The following ARB2A variants were observed in gnomAD, a reference collection of about 807,000 sequenced individuals.
The protein encoded by ARB2A is cotranscriptional regulator ARB2A.
the ARB2A span, among the ~76,000 whole-genome samples, chr5:93,702,184 T>C: frequency 6.6e-6 from 1 of 152,204 alleles, no homozygotes; most frequent in Non-Finnish European, 1.5e-5. Context: ...AACTTATACA[T>C]ACAAAAGATT....
At chr5:93,654,109 A>G in the ARB2A span, among the ~76,000 whole-genome samples, 1 of 152,226 alleles carries the variant, frequency 6.6e-6, no homozygotes, top group African/African-American at 2.4e-5. Context: ...AAGAGCTTAT[A>G]ATCTAGTGCT....
At chr5:93,895,809 A>T in the ARB2A span, among the ~76,000 whole-genome samples, 2 of 152,060 alleles carry the variant, frequency 1.3e-5, no homozygotes, top group African/African-American at 4.8e-5. Context: ...AATTTGATGC[A>T]AATATTTAAA....
the ARB2A span, among the ~76,000 whole-genome samples, chr5:93,641,470 C>T: frequency 5.3e-5 from 8 of 151,988 alleles, no homozygotes; most frequent in African/African-American, 1.9e-4. Flanking sequence ...TAAATCTGCA[C>T]ATGAAAAAAG....
At chr5:93,679,745 A>G in the ARB2A span, among the ~76,000 whole-genome samples, 1 of 152,304 alleles carries the variant, frequency 6.6e-6, no homozygotes, top group East Asian at 1.9e-4. Context: ...ACACAATTTT[A>G]TGCCCCAAAA....
At chr5:93,902,016 G>T in the ARB2A span, among the ~76,000 whole-genome samples, 1 of 151,980 alleles carries the variant, frequency 6.6e-6, no homozygotes, top group African/African-American at 2.4e-5. Flanking sequence ...AGCTTATCTA[G>T]AATTATTTGA....
the ARB2A span, among the ~76,000 whole-genome samples, chr5:94,075,616 C>G: frequency 6.6e-6 from 1 of 152,094 alleles, no homozygotes; most frequent in Non-Finnish European, 1.5e-5. Flanking sequence ...AAACTACATT[C>G]ATGACAATAT....
the ARB2A span, among the ~76,000 whole-genome samples, chr5:93,821,611 C>T: frequency 6.6e-6 from 1 of 151,694 alleles, no homozygotes; most frequent in South Asian, 2.1e-4. Flanking sequence ...TTGCTTTTGC[C>T]TAAAACTGAA....
chr5:93,926,303 A>AT, the ARB2A span, among the ~76,000 whole-genome samples: 11 of 148,908 alleles, frequency 7.4e-5, no homozygotes, highest in South Asian at 6.4e-4. Context: ...CTAATTTTGT[A>AT]TTTTTTTTTC....
the ARB2A span, among the ~76,000 whole-genome samples, chr5:93,754,752 T>A: frequency 1.3e-5 from 2 of 152,246 alleles, no homozygotes; most frequent in Non-Finnish European, 2.9e-5. Flanking sequence ...AGATCATTTC[T>A]AATTTTATCT....
At chr5:94,026,187 G>A in the ARB2A span, among the ~76,000 whole-genome samples, 1 of 152,130 alleles carries the variant, frequency 6.6e-6, no homozygotes, top group East Asian at 1.9e-4. Context: ...ATGAACAGCA[G>A]TAAATTAACA....
chr5:93,910,237 C>T, the ARB2A span, among the ~76,000 whole-genome samples: 1 of 150,518 alleles, frequency 6.6e-6, no homozygotes, highest in Non-Finnish European at 1.5e-5. Context: ...TCTTTATTAC[C>T]TATTCTCTGA....
At chr5:93,787,699 CATAA>C in the ARB2A span, among the ~76,000 whole-genome samples, 2 of 152,118 alleles carry the variant, frequency 1.3e-5, no homozygotes, top group Non-Finnish European at 2.9e-5. Flanking sequence ...AACACTCTTA[CATAA>C]ATAAACTCAT....
chr5:93,756,293 T>C, the ARB2A span, among the ~76,000 whole-genome samples: 1 of 152,126 alleles, frequency 6.6e-6, no homozygotes, highest in Non-Finnish European at 1.5e-5. Context: ...CCTAACCACC[T>C]TGGTAGCTGA....
the ARB2A span, among the ~76,000 whole-genome samples, chr5:93,663,886 C>A: frequency 6.6e-6 from 1 of 151,956 alleles, no homozygotes; most frequent in East Asian, 1.9e-4. Context: ...AATATAATTT[C>A]TTCAATAGTG....
the ARB2A span, among the ~76,000 whole-genome samples, chr5:93,946,710 T>C: frequency 6.6e-6 from 1 of 152,214 alleles, no homozygotes; most frequent in Non-Finnish European, 1.5e-5. Flanking sequence ...TAGCGATGGA[T>C]TAGGAAAAGA....
At chr5:93,691,938 G>A in the ARB2A span, among the ~76,000 whole-genome samples, 2,933 of 152,156 alleles carry the variant, frequency 0.019, 101 homozygotes, top group African/African-American at 0.066. Context: ...CTTCATAAGC[G>A]AAGAAGAAAT....
the ARB2A span, chr5:93,741,360 C>T: frequency 1.2e-6 from 2 of 1,610,814 alleles, no homozygotes; most frequent in East Asian, 2.2e-5. Flanking sequence ...ATTCGTGTGG[C>T]AGGGGACCCA....
At chr5:94,097,902 C>T in the ARB2A span, among the ~76,000 whole-genome samples, 14 of 151,196 alleles carry the variant, frequency 9.3e-5, 1 homozygote, top group South Asian at 1.5e-3. Flanking sequence ...ATCCCTCTGC[C>T]GCTGGCTTAA....
chr5:93,799,523 C>T, the ARB2A span, among the ~76,000 whole-genome samples: 1 of 152,040 alleles, frequency 6.6e-6, no homozygotes, highest in Non-Finnish European at 1.5e-5. Flanking sequence ...TTATTCTTTG[C>T]TGTACTACAC....
Sources: allele counts gnomAD v4.1 joint callset (sites outside exome capture counted in the v4.1 genomes callset), GRCh38; gene constraint gnomAD v4.1.1; transcripts MANE v1.5; gene names NCBI Gene and HGNC (gene_info 2026-07-23, HGNC 2026-07-21).